Variants in CTNND2 observed in about 807,000 individuals in gnomAD.
CTNND2 encodes the protein catenin delta-2.
In CTNND2, 22 loss-of-function variants were observed where a neutral mutation model predicts 144.4. That is an observed-to-expected ratio of 0.15 (90% CI 0.11 to 0.22). The LOEUF (loss-of-function observed/expected upper bound fraction) is 0.22, where lower values mean the gene tolerates loss of function less well. CTNND2 is among the 10% of genes least tolerant of loss of function. The pLI, the probability that CTNND2 is intolerant of heterozygous loss-of-function variation, is 1.00. For missense variants in CTNND2, 1,353 were observed against 1,618.8 expected (o/e 0.84, Z 2.82); for synonymous variants, 751 against 695.6 (o/e 1.08, Z -1.25).
chr5:11,701,674 A>G (rs750099920), intron 2 of CTNND2, among the ~76,000 whole-genome samples: 120 of 145,314 alleles, frequency 8.3e-4, no homozygotes, highest in Non-Finnish European at 1.6e-3. Flanking sequence ...AGTATAAGAA[A>G]GAATGAGAAA....
rs1248860367 is a variant in CTNND2 at position 11,021,703 on chromosome 5, C to CGAT, written c.2999+1065_2999+1066insATC. Among the ~76,000 whole-genome samples the CGAT allele has an allele frequency of 2.6e-5, 4 of 151,936 alleles. No individual in the cohort carries two copies. The East Asian group carries it at 7.8e-4, about 29-fold the overall frequency. The stretch of plus-strand genomic sequence containing the variant: ...CCGAATCTTCTATAATACATTGGTA[C>CGAT]TATCCTGAATTAAGTGAAATAATGA... On this transcript the variant is annotated intron_variant, in intron 17 of 21. Transcript: ENST00000304623.
At chr5:11,474,005 C>T (rs1409316172) in intron 3 of CTNND2, among the ~76,000 whole-genome samples, 2 of 152,156 alleles carry the variant, frequency 1.3e-5, no homozygotes, top group Non-Finnish European at 2.9e-5. Flanking sequence ...TCTTAATAAG[C>T]AGTAATCGAG....
At chr5:11,169,830 C>G (rs1254085971) in intron 11 of CTNND2, among the ~76,000 whole-genome samples, 2 of 152,146 alleles carry the variant, frequency 1.3e-5, no homozygotes. Context: ...ATCTTGGGTT[C>G]TACGGCTTTC....
intron 10 of CTNND2, among the ~76,000 whole-genome samples, chr5:11,218,230 T>G (rs568121626): frequency 2.3e-4 from 35 of 152,280 alleles, no homozygotes; most frequent in African/African-American, 7.7e-4. Context: ...AGGGAAATAT[T>G]TTTTCGTCAG....
intron 16 of CTNND2, among the ~76,000 whole-genome samples, chr5:11,035,643 C>T (rs1479465367): frequency 6.6e-6 from 1 of 152,070 alleles, no homozygotes; most frequent in African/African-American, 2.4e-5. Context: ...GTACTAGGTA[C>T]AATAGTTGTA....
At chr5:11,738,329 A>G (rs1317998745) in intron 1 of CTNND2, among the ~76,000 whole-genome samples, 4 of 152,234 alleles carry the variant, frequency 2.6e-5, no homozygotes, top group African/African-American at 7.2e-5. Context: ...CTGCATAACA[A>G]TAACAGCAAA....
At chr5:11,449,220 G>T (rs1013573223) in intron 3 of CTNND2, among the ~76,000 whole-genome samples, 2 of 152,028 alleles carry the variant, frequency 1.3e-5, no homozygotes, top group African/African-American at 4.8e-5. Context: ...TTTATTTCAA[G>T]GTTATTTACA....
chr5:11,085,148 C>T (rs1749998809), intron 15 of CTNND2, among the ~76,000 whole-genome samples: 2 of 152,200 alleles, frequency 1.3e-5, no homozygotes, highest in African/African-American at 4.8e-5. Flanking sequence ...AATCCTTCAG[C>T]TTTGCTGGGA....
At chr5:11,484,312 G>A (rs1013923637) in intron 3 of CTNND2, among the ~76,000 whole-genome samples, 7 of 152,140 alleles carry the variant, frequency 4.6e-5, no homozygotes, top group African/African-American at 1.7e-4. Context: ...GTTGAATTTG[G>A]CTCCGAATCT....
chr5:11,664,018 G>A lies in CTNND2; in HGVS notation c.174+68118C>T, dbSNP rs183447026. ...GCTATTTCTTCTTCAAATTCCATTA[G>A]TTGCCAACATATTTCAAAGCTACAG... On this transcript the variant is annotated intron_variant, in intron 2 of 21. Coordinates refer to ENST00000304623, the MANE Select transcript of CTNND2 (RefSeq NM_001332.4). Among the ~76,000 whole-genome samples, 212 of 152,228 alleles carry A rather than the reference G, an allele frequency of 1.4e-3. 2 individuals are homozygous for A. Among genetic ancestry groups the A allele is most frequent in the African/African-American group, 4.8e-3 (201 of 41,544 alleles).
At chr5:11,531,821 T>C (rs931682867) in intron 3 of CTNND2, among the ~76,000 whole-genome samples, 7 of 152,350 alleles carry the variant, frequency 4.6e-5, no homozygotes, top group African/African-American at 1.2e-4. Context: ...ATGCTGCACA[T>C]AGACATTTAC....
chr5:11,609,985 GATTT>G (rs1780236453), intron 2 of CTNND2, among the ~76,000 whole-genome samples: 1 of 152,162 alleles, frequency 6.6e-6, no homozygotes, highest in South Asian at 2.1e-4. Context: ...ATTTAGTCTT[GATTT>G]ATTTGACAGC....
At chr5:11,681,618 TA>T (rs752467716) in intron 2 of CTNND2, among the ~76,000 whole-genome samples, 2 of 152,220 alleles carry the variant, frequency 1.3e-5, no homozygotes, top group Non-Finnish European at 2.9e-5. Context: ...ATAGAAAGCA[TA>T]AAGATCCATT....
At chr5:11,687,421 A>T (rs963296234) in intron 2 of CTNND2, among the ~76,000 whole-genome samples, 1 of 152,166 alleles carries the variant, frequency 6.6e-6, no homozygotes, top group African/African-American at 2.4e-5. Flanking sequence ...ATTCTAGGGT[A>T]TGGATTAAGT....
intron 2 of CTNND2, among the ~76,000 whole-genome samples, chr5:11,702,386 A>G (rs1018351490): frequency 1.3e-5 from 2 of 152,134 alleles, no homozygotes; most frequent in African/African-American, 2.4e-5. Context: ...AGTTTTCCCA[A>G]TCTATTGCCC....
chr5:11,705,642 C>T (rs1484160164), intron 2 of CTNND2, among the ~76,000 whole-genome samples: 1 of 152,190 alleles, frequency 6.6e-6, no homozygotes, highest in African/African-American at 2.4e-5. Context: ...CTGAGTTGAG[C>T]TTAGCCTCTG....
At chr5:11,313,616 TCTCACA>T (rs1202299965) in intron 9 of CTNND2, among the ~76,000 whole-genome samples, 2 of 151,756 alleles carry the variant, frequency 1.3e-5, no homozygotes, top group Non-Finnish European at 2.9e-5. Context: ...ATTAGTATGT[TCTCACA>T]CTGCACTTCC....
intron 2 of CTNND2, among the ~76,000 whole-genome samples, chr5:11,674,797 C>T (rs1237845740): frequency 6.6e-6 from 1 of 152,152 alleles, no homozygotes; most frequent in Non-Finnish European, 1.5e-5. Context: ...GCAATCTCAG[C>T]TCACTGCAAC....
intron 2 of CTNND2, among the ~76,000 whole-genome samples, chr5:11,625,843 A>G (rs1253730183): frequency 6.6e-6 from 1 of 152,202 alleles, no homozygotes; most frequent in Non-Finnish European, 1.5e-5. Flanking sequence ...GTGACAAATA[A>G]GTATCTTAAA....
Sources: allele counts gnomAD v4.1 joint callset (sites outside exome capture counted in the v4.1 genomes callset), GRCh38; gene constraint gnomAD v4.1.1; transcripts MANE v1.5; gene names NCBI Gene and HGNC (gene_info 2026-07-23, HGNC 2026-07-21).